Variants in SPAG16 observed in about 807,000 individuals in gnomAD.
SPAG16 encodes the protein sperm-associated antigen 16 protein.
In SPAG16, 86 loss-of-function variants were observed where a neutral mutation model predicts 80.4. That is an observed-to-expected ratio of 1.07 (90% CI 0.90 to 1.28). The LOEUF is 1.28. Among genes scored for constraint, SPAG16 ranks in the 50% most tolerant of loss-of-function variants. SPAG16 has a pLI of 0.00. For synonymous variants in SPAG16, 294 were observed against 265.9 expected (o/e 1.11, Z -1.03); for missense variants, 870 against 765.3 (o/e 1.14, Z -1.61).
At chr2:214,193,782 G>A (rs1283132006) in intron 15 of SPAG16, among the ~76,000 whole-genome samples, 1 of 151,990 alleles carries the variant, frequency 6.6e-6, no homozygotes, top group East Asian at 1.9e-4. Flanking sequence ...ACAAAACAAA[G>A]AATAAAACCA....
At chr2:213,482,444 G>A (rs1383188724) in intron 9 of SPAG16, among the ~76,000 whole-genome samples, 2 of 152,172 alleles carry the variant, frequency 1.3e-5, no homozygotes, top group African/African-American at 4.8e-5. Context: ...AGTGCCATGT[G>A]CTGGGTTTTG....
chr2:213,759,212 T>C (rs1190196292), intron 10 of SPAG16, among the ~76,000 whole-genome samples: 1 of 151,984 alleles, frequency 6.6e-6, no homozygotes. Flanking sequence ...TAACTTGAAG[T>C]TGTGTAAAGA....
Position 213,301,395 on chromosome 2 carries a change from A to T in SPAG16, c.279+4038A>T, listed in dbSNP as rs1559386323. Among the ~76,000 whole-genome samples the T allele has an allele frequency of 2.6e-5, 4 of 152,230 alleles. No individual in the cohort carries two copies. In the East Asian group the frequency reaches 5.8e-4, roughly 22 times the overall value. On this transcript the variant is annotated intron_variant, in intron 3 of 15. Coordinates refer to ENST00000331683, the MANE Select transcript of SPAG16 (RefSeq NM_024532.5). ...TAAGACCACTTGGATTTCATTGTTT[A>T]TTTTTTTGTTTCTCACTGGTCAACT...
chr2:214,245,561 C>A (rs1267164079), intron 15 of SPAG16, among the ~76,000 whole-genome samples: 1 of 152,128 alleles, frequency 6.6e-6, no homozygotes, highest in African/African-American at 2.4e-5. Context: ...TAGTCTGAAA[C>A]ATTTTTTCTT....
intron 10 of SPAG16, among the ~76,000 whole-genome samples, chr2:213,621,298 T>G (rs2061774114): frequency 6.6e-6 from 1 of 152,200 alleles, no homozygotes; most frequent in Non-Finnish European, 1.5e-5. Flanking sequence ...TTAATTTTAG[T>G]GTCATTTGAA....
At chr2:214,225,368 G>T (rs2058677426) in intron 15 of SPAG16, among the ~76,000 whole-genome samples, 1 of 152,150 alleles carries the variant, frequency 6.6e-6, no homozygotes. Flanking sequence ...TGTGGAGAAT[G>T]AGGGTATAAG....
At chr2:213,330,337 G>A (rs144233969) in intron 5 of SPAG16, among the ~76,000 whole-genome samples, 34 of 152,330 alleles carry the variant, frequency 2.2e-4, no homozygotes, top group South Asian at 2.1e-3. Flanking sequence ...TAAAGCCACA[G>A]GGGTGGAGCT....
chr2:213,579,654 G>A (rs910686639), intron 10 of SPAG16, among the ~76,000 whole-genome samples: 32 of 152,146 alleles, frequency 2.1e-4, no homozygotes, highest in African/African-American at 7.2e-4. Context: ...TTTATCTTTA[G>A]TGTTCTTTTT....
intron 10 of SPAG16, among the ~76,000 whole-genome samples, chr2:213,648,996 T>C (rs1040838818): frequency 1.3e-5 from 2 of 152,228 alleles, no homozygotes; most frequent in African/African-American, 4.8e-5. Context: ...ATGAATAATG[T>C]AAGATAATTG....
intron 9 of SPAG16, among the ~76,000 whole-genome samples, chr2:213,389,518 A>T (rs1449173026): frequency 1.3e-5 from 2 of 152,144 alleles, no homozygotes; most frequent in Non-Finnish European, 2.9e-5. Flanking sequence ...CAAGGAATTA[A>T]TATACAGAAT....
intron 11 of SPAG16, among the ~76,000 whole-genome samples, chr2:213,911,524 C>T (rs771187058): frequency 1.3e-5 from 2 of 152,056 alleles, no homozygotes; most frequent in Admixed American, 6.5e-5. Flanking sequence ...GCATGTAATA[C>T]GTGTAATGAA....
At chr2:213,322,116 G>A (rs1192805455) in intron 5 of SPAG16, among the ~76,000 whole-genome samples, 1 of 149,620 alleles carries the variant, frequency 6.7e-6, no homozygotes, top group East Asian at 1.9e-4. Flanking sequence ...AAAAAAAAAA[G>A]ATTATAAAAC....
intron 7 of SPAG16, among the ~76,000 whole-genome samples, chr2:213,360,183 A>G (rs547202174): frequency 2.0e-5 from 3 of 152,300 alleles, no homozygotes; most frequent in South Asian, 4.1e-4. Context: ...ATACTCTTTC[A>G]GAATTTTGTT....
At chr2:214,064,966 TATA>T (rs1280656339) in intron 13 of SPAG16, among the ~76,000 whole-genome samples, 3 of 151,908 alleles carry the variant, frequency 2.0e-5, no homozygotes, top group Admixed American at 6.6e-5. Context: ...AAAATAAAAT[TATA>T]AGAATATAAG....
chr2:213,508,583 GA>G (rs61040316), intron 10 of SPAG16, among the ~76,000 whole-genome samples: 4,137 of 145,116 alleles, frequency 0.029, 176 homozygotes, highest in African/African-American at 0.096. Flanking sequence ...CGTCTCAAAA[GA>G]AAAAAAAAAA....
chr2:213,600,126 T>C, intron 10 of SPAG16, among the ~76,000 whole-genome samples: 1 of 134,454 alleles, frequency 7.4e-6, no homozygotes, highest in Non-Finnish European at 1.7e-5. Flanking sequence ...TCTCTTTATA[T>C]TTTTTAATTT....
At chr2:213,473,642 C>A (rs2073211239) in intron 9 of SPAG16, among the ~76,000 whole-genome samples, 1 of 152,050 alleles carries the variant, frequency 6.6e-6, no homozygotes, top group Non-Finnish European at 1.5e-5. Flanking sequence ...CTACTAGAAC[C>A]TTTTTTACTC....
intron 10 of SPAG16, among the ~76,000 whole-genome samples, chr2:213,634,962 A>G (rs917928668): frequency 6.6e-6 from 1 of 151,668 alleles, no homozygotes; most frequent in Non-Finnish European, 1.5e-5. Context: ...TCCATGGTAC[A>G]TATATATATA....
intron 10 of SPAG16, among the ~76,000 whole-genome samples, chr2:213,576,437 C>T (rs1197684439): frequency 6.6e-6 from 1 of 151,994 alleles, no homozygotes; most frequent in Non-Finnish European, 1.5e-5. Context: ...GACCTAAGGA[C>T]AGAAATAACA....
Sources: allele counts gnomAD v4.1 joint callset (sites outside exome capture counted in the v4.1 genomes callset), GRCh38; gene constraint gnomAD v4.1.1; transcripts MANE v1.5; gene names NCBI Gene and HGNC (gene_info 2026-07-23, HGNC 2026-07-21).